The following CEACAM3 variants were observed in gnomAD, a reference collection of about 807,000 sequenced individuals.
The protein encoded by CEACAM3 is cell adhesion molecule CEACAM3.
Under a neutral mutation model 30.1 loss-of-function variants are expected in CEACAM3, and 32 were observed. That is an observed-to-expected ratio of 1.06 (90% CI 0.80 to 1.43). The LOEUF (loss-of-function observed/expected upper bound fraction) is 1.43, where lower values mean the gene tolerates loss of function less well. Ranked by LOEUF, CEACAM3 falls within the 40% of genes most tolerant of loss-of-function variation. The pLI is 0.00. For synonymous variants in CEACAM3, 134 were observed against 127.2 expected (o/e 1.05, Z -0.36); for missense variants, 290 against 316.3 (o/e 0.92, Z 0.63).
At chr19:41,797,511 C>T (rs1168442127) in intron 1 of CEACAM3, 78 bp from the exon 2 acceptor site, 16 of 1,531,944 alleles carry the variant, frequency 1.0e-5, no homozygotes, top group Non-Finnish European at 1.3e-5. Flanking sequence ...GGTGAAGAGA[C>T]TCTCTCAGGA....
At chr19:41,810,414 A>G in intron 5 of CEACAM3, 60 bp downstream of exon 5, 1 of 1,523,914 alleles carries the variant, frequency 6.6e-7, no homozygotes, top group Non-Finnish European at 8.9e-7. Flanking sequence ...GGCTCTGGGC[A>G]GAGGGACCAT....
At chr19:41,797,472 G>T in intron 1 of CEACAM3, 117 bp from the exon 2 acceptor site, 3 of 1,341,028 alleles carry the variant, frequency 2.2e-6, no homozygotes, top group Non-Finnish European at 3.1e-6. Context: ...TGACCAAGTG[G>T]GACACACATA....
At chr19:41,807,034 T>G (rs2073207240) in intron 2 of CEACAM3, 1 of 1,595,590 alleles carries the variant, frequency 6.3e-7, no homozygotes, top group African/African-American at 1.3e-5. Flanking sequence ...ATAGGAGATG[T>G]TGATTCTGAT....
chr19:41,810,052 C>T, intron 4 of CEACAM3, 35 bp downstream of exon 4: 1 of 1,599,354 alleles, frequency 6.3e-7, no homozygotes, highest in Non-Finnish European at 8.6e-7. Flanking sequence ...TGGCTGGGAA[C>T]CCCTAGGACA....
intron 2 of CEACAM3, among the ~76,000 whole-genome samples, chr19:41,799,839 C>T (rs1424047933): frequency 2.0e-5 from 3 of 152,072 alleles, no homozygotes; most frequent in Admixed American, 2.0e-4. Context: ...AGGTTCTGGC[C>T]ACACCTGTTT....
At chr19:41,798,239 A>C (rs987763695) in intron 2 of CEACAM3, among the ~76,000 whole-genome samples, 4 of 152,056 alleles carry the variant, frequency 2.6e-5, no homozygotes, top group Non-Finnish European at 5.9e-5. Context: ...CATGGACCTG[A>C]CCCTAAGAAA....
At chr19:41,806,933 C>T (rs1199106241) in intron 2 of CEACAM3, among the ~76,000 whole-genome samples, 4 of 152,108 alleles carry the variant, frequency 2.6e-5, no homozygotes, top group Admixed American at 6.5e-5. Context: ...GTGATACGCC[C>T]GCCTCGGCCT....
In CEACAM3 at chr19:41,811,372, G is replaced by A. The variant is rs1911879337; in HGVS notation, c.*135G>A. 1.4e-6 allele frequency: 1 copy of A among 723,176 alleles called. No homozygotes were observed. The highest frequency in any genetic ancestry group is 2.4e-6 in the Non-Finnish European group (1 of 421,644). The allele number at this position is 723,176 out of a possible 1,614,324, so 44.8% of individuals were successfully genotyped here. On this transcript the variant is annotated 3_prime_UTR_variant, in exon 7 of 7. Transcript: ENST00000357396. ...AGAAGACACTGGTGTCTGGGGGCAG[G>A]GAGGGATGGGGGTCCCTGATGAATA... is the stretch of plus-strand genomic sequence containing the variant.
In CEACAM3 at chr19:41,811,277, C is replaced by T. The variant is rs984943568; in HGVS notation, c.*40C>T. 3.2e-6 allele frequency: 5 copies of T among 1,552,766 alleles called. No individual in the cohort carries two copies. Among genetic ancestry groups the T allele is most frequent in the Admixed American group, 3.3e-5 (2 of 59,928 alleles). ...TGCTCCTGTGTGTTGATGGAGAGTC[C>T]CCAAGGCCCCCAGCCCTGGGGATGG... On this transcript the variant is annotated 3_prime_UTR_variant, in exon 7 of 7. Transcript: ENST00000357396.
At position 41,811,207 on chromosome 19, in the gene CEACAM3, G is replaced by A; in HGVS notation, c.729G>A (p.Arg243=). ...LLKHDTNIYC[R]MDHKAEVAS is the part of the protein sequence containing the mutation. ...AACATGACACAAACATTTACTGCCG[G>A]ATGGACCACAAAGCAGAAGTGGCTT... is the stretch of plus-strand genomic sequence containing the variant. Residue 243 remains arginine (R), a synonymous_variant, in exon 7 of 7, where the codon CGG becomes CGA. Transcript: ENST00000357396. 1 of 1,614,028 alleles carries A rather than the reference G, an allele frequency of 6.2e-7. No homozygotes were observed. Among genetic ancestry groups the A allele is most frequent in the Admixed American group, 1.7e-5 (1 of 60,026 alleles).
intron 1 of CEACAM3, 136 bp from the exon 2 acceptor site, chr19:41,797,453 T>C (rs2073110508): frequency 8.7e-7 from 1 of 1,145,434 alleles, no homozygotes; most frequent in Admixed American, 2.3e-5. Context: ...AAGGTCACGT[T>C]ACTGACCTTG....
chr19:41,803,540 C>T (rs2073172848), intron 2 of CEACAM3, among the ~76,000 whole-genome samples: 1 of 151,280 alleles, frequency 6.6e-6, no homozygotes, highest in Non-Finnish European at 1.5e-5. Context: ...TATCTCAGCT[C>T]ACTGCAAGCT....
At chr19:41,810,200 C>CATG in intron 4 of CEACAM3, 123 bp from the exon 5 acceptor site, 1 of 1,370,672 alleles carries the variant, frequency 7.3e-7, no homozygotes, top group Non-Finnish European at 1.0e-6. Context: ...GGCTCTGGGT[C>CATG]ATGGGTCACC....
rs1444387286 is a variant in CEACAM3, at chr19:41,808,770, A to T, written c.425-43A>T. 7 of 1,536,506 alleles carry T rather than the reference A, an allele frequency of 4.6e-6. 1 individual carries two copies. In the East Asian group the frequency reaches 6.8e-5, roughly 15 times the overall value. On this transcript the variant is annotated intron_variant, in intron 2 of 6. Coordinates refer to ENST00000357396, the MANE Select transcript of CEACAM3 (RefSeq NM_001815.5). ...CAAGGCCCCTGTGGTTTCCTCTGGG[A>T]TAGACTTGGGCCTCTATCCCCTTTG...
intron 2 of CEACAM3, 112 bp downstream of exon 2, chr19:41,798,060 A>G (rs1568738013): frequency 2.0e-6 from 3 of 1,508,128 alleles, no homozygotes; most frequent in Non-Finnish European, 2.7e-6. Flanking sequence ...ATTCTGTATC[A>G]GGGTTTGGAC....
At chr19:41,806,161 GGA>G (rs2073198070) in intron 2 of CEACAM3, among the ~76,000 whole-genome samples, 1 of 152,036 alleles carries the variant, frequency 6.6e-6, no homozygotes, top group Non-Finnish European at 1.5e-5. Flanking sequence ...CCGAGTAGCT[GGA>G]ATTACAGGCA....
rs1045382208 is a variant in CEACAM3 at position 41,811,355 on chromosome 19, C to A, written c.*118C>A. On this transcript the variant is annotated 3_prime_UTR_variant, in exon 7 of 7. Coordinates refer to ENST00000357396, the MANE Select transcript of CEACAM3 (RefSeq NM_001815.5). ...ACCAGCTATAAGTCCTGAGAAGACA[C>A]TGGTGTCTGGGGGCAGGGAGGGATG... The A allele has an allele frequency of 3.5e-6, 3 of 864,920 alleles. No individual in the cohort carries two copies. In the African/African-American group the frequency reaches 5.1e-5, roughly 15 times the overall value. The allele number at this position is 864,920 out of a possible 1,614,324, so 53.6% of individuals were successfully genotyped here. A position where few individuals can be genotyped will look rare whatever the true frequency, so the allele number is the denominator to read the frequency against.
chr19:41,801,892 G>A (rs181867642), intron 2 of CEACAM3, among the ~76,000 whole-genome samples: 162 of 152,318 alleles, frequency 1.1e-3, no homozygotes, highest in African/African-American at 3.5e-3. Flanking sequence ...CCATAATGCT[G>A]ATCTCGTAAT....
rs1555825440 is a variant in CEACAM3, at chr19:41,797,823, C to A, written c.299C>A (p.Thr100Lys). The A allele has an allele frequency of 6.2e-7, 1 of 1,612,978 alleles. No individual in the cohort carries two copies. Among genetic ancestry groups the A allele is most frequent in the Admixed American group, 1.7e-5 (1 of 59,996 alleles). ...GGGGCCGCATACAGCGGTCGAGAGA[C>A]AATATACACCAATGCATCCCTGCTG... Reference protein sequence around the residue: ...TPGAAYSGRETIYTNASLLIQ... With the variant: ...TPGAAYSGREKIYTNASLLIQ... The change falls in exon 2 of 7, where the codon ACA becomes AAA. Residue 100 changes from threonine to lysine, a missense_variant. By Grantham distance (78) the Thr-to-Lys change is moderately conservative (BLOSUM62 -1). Coordinates refer to ENST00000357396, the MANE Select transcript of CEACAM3 (RefSeq NM_001815.5).
Sources: gnomAD v4.1 joint callset for allele counts (sites outside exome capture counted in the v4.1 genomes callset) on GRCh38, gnomAD v4.1.1 for gene constraint, MANE v1.5 for transcripts, NCBI Gene and HGNC (gene_info 2026-07-23, HGNC 2026-07-21) for gene names.